PCDHGA10: variants seen among roughly 807,000 people sequenced by gnomAD.
PCDHGA10 encodes the protein protocadherin gamma subfamily A, 10, also known as protocadherin gamma-A10.
A neutral mutation model predicts 59.5 loss-of-function variants in PCDHGA10; 42 were observed. The observed-to-expected ratio is 0.71, with a 90% CI of 0.55 to 0.91. The LOEUF is 0.91. Ranked by LOEUF, PCDHGA10 falls within the 40% of genes least tolerant of loss-of-function variation. The probability of loss-of-function intolerance (pLI) is 0.00; values close to 1 mark genes in which losing one functional copy is unlikely to be tolerated. For missense variants in PCDHGA10, 1,111 were observed against 1,198.2 expected, an observed-to-expected ratio of 0.93 and a Z score of 1.07; for synonymous variants, 511 against 517.2, an observed-to-expected ratio of 0.99 and a Z score of 0.16.
At chr5:141,429,445 G>C (rs2097215795) in intron 1 of PCDHGA10, among the ~76,000 whole-genome samples, 1 of 151,758 alleles carries the variant, frequency 6.6e-6, no homozygotes, top group Admixed American at 6.6e-5. Context: ...AAACTCTTGG[G>C]CTACAGTAAT....
intron 2 of PCDHGA10, among the ~76,000 whole-genome samples, chr5:141,495,645 C>T (rs2099762719): frequency 6.6e-6 from 1 of 152,208 alleles, no homozygotes; most frequent in South Asian, 2.1e-4. Context: ...CATTTGTCTA[C>T]TTGCATTGAT....
intron 1 of PCDHGA10, among the ~76,000 whole-genome samples, chr5:141,439,635 C>T (rs1326926948): frequency 3.3e-5 from 5 of 152,274 alleles, no homozygotes; most frequent in Middle Eastern, 3.4e-3. Context: ...CCAGACATTC[C>T]GGCTTGGTGG....
rs778067298 is a variant in PCDHGA10 at position 141,413,760 on chromosome 5, C to G, written c.585C>G (p.Tyr195Ter). ...RVQSRANGVK[Y>*]PELVLEHSLD... Reference sequence around the variant, plus strand: ...AGAGCCGTGCCAATGGCGTCAAGTACCCGGAGCTGGTACTGGAGCACTCCC... The same window carrying G: ...AGAGCCGTGCCAATGGCGTCAAGTAGCCGGAGCTGGTACTGGAGCACTCCC... Residue 195 changes from tyrosine (Y) to a stop codon, truncating the protein, a stop_gained, in exon 1 of 4, where the codon TAC becomes TAG. Coordinates refer to ENST00000398610, the MANE Select transcript of PCDHGA10 (RefSeq NM_018913.3). LOFTEE classifies it high-confidence loss of function. 2 of 1,613,250 alleles carry G rather than the reference C, an allele frequency of 1.2e-6. No homozygotes were observed. Among genetic ancestry groups the G allele is most frequent in the African/African-American group, 2.7e-5 (2 of 75,020 alleles).
chr5:141,456,975 A>T (rs1240583336), intron 1 of PCDHGA10, among the ~76,000 whole-genome samples: 1 of 152,178 alleles, frequency 6.6e-6, no homozygotes, highest in East Asian at 1.9e-4. Flanking sequence ...AACAAAACAA[A>T]CAAACAAACA....
intron 1 of PCDHGA10, among the ~76,000 whole-genome samples, chr5:141,438,498 CAT>C (rs2097963931): frequency 6.7e-6 from 1 of 149,704 alleles, no homozygotes; most frequent in African/African-American, 2.5e-5. Context: ...AAAAAAGAAT[CAT>C]AGTGCAAAAC....
In PCDHGA10 at chr5:141,477,500, T is replaced by C. The variant is rs757547508; in HGVS notation, c.2437-17307T>C. The C allele has an allele frequency of 3.1e-6, 5 of 1,614,156 alleles. No homozygotes were observed. Among genetic ancestry groups the C allele is most frequent in the Non-Finnish European group, 4.2e-6 (5 of 1,180,026 alleles). ...CCCTCCACAATCTTCTCAATCTTCC[T>C]ACGACGTTTACATTGAAGAAAACAA... On this transcript the variant is annotated intron_variant, in intron 1 of 3. Coordinates refer to ENST00000398610, the MANE Select transcript of PCDHGA10 (RefSeq NM_018913.3). This position sits in a 1 kb window ranked among gnomAD's most constrained non-coding sequence, Gnocchi z 4.9.
At chr5:141,506,566 T>C (rs909998933) in intron 3 of PCDHGA10, among the ~76,000 whole-genome samples, 33 of 152,022 alleles carry the variant, frequency 2.2e-4, no homozygotes, top group Non-Finnish European at 2.9e-5. Flanking sequence ...ACCCCCTCGG[T>C]TTCACTTACT....
chr5:141,435,804 A>AT (rs2097781092), intron 1 of PCDHGA10, among the ~76,000 whole-genome samples: 1 of 151,814 alleles, frequency 6.6e-6, no homozygotes, highest in Non-Finnish European at 1.5e-5. Flanking sequence ...CGTCCCAATT[A>AT]TTTTTTCTTT....
At position 141,486,530 on chromosome 5, in the gene PCDHGA10, C is replaced by T; in HGVS notation, c.2437-8277C>T. 6.2e-7 allele frequency: 1 copy of T among 1,614,174 alleles called. No homozygotes were observed. The highest frequency in any genetic ancestry group is 8.5e-7 in the Non-Finnish European group (1 of 1,180,022). On this transcript the variant is annotated intron_variant, in intron 1 of 3. Transcript: ENST00000398610. The surrounding 1 kb of genome is among the most constrained non-coding windows in gnomAD (Gnocchi z 5.0). Reference sequence around the variant, plus strand: ...TATTTCAGATGTGAATGATAATCCACCCTCTTTCTTTCAGAGGTCACATGA... The same window carrying T: ...TATTTCAGATGTGAATGATAATCCATCCTCTTTCTTTCAGAGGTCACATGA...
Position 141,431,062 on chromosome 5 carries a change from G to C in PCDHGA10, c.2436+15451G>C, listed in dbSNP as rs2097341170. On this transcript the variant is annotated intron_variant, in intron 1 of 3. Coordinates refer to ENST00000398610, the MANE Select transcript of PCDHGA10 (RefSeq NM_018913.3). This position sits in a 1 kb window ranked among gnomAD's most constrained non-coding sequence, Gnocchi z 4.8. ...AGGAGCTCTGTATGGGGGCCATCAA[G>C]TGTCAATTAAATCTAGACATTCTGA... 6.2e-7 allele frequency: 1 copy of C among 1,614,212 alleles called. No individual in the cohort carries two copies. The highest frequency in any genetic ancestry group is 1.3e-5 in the African/African-American group (1 of 75,084).
rs187495695 is a variant in PCDHGA10, at chr5:141,486,508, T to G, written c.2437-8299T>G. The G allele has an allele frequency of 9.3e-6, 15 of 1,614,172 alleles. No homozygotes were observed. In the Admixed American group the frequency reaches 2.5e-4, roughly 27 times the overall value. The stretch of plus-strand genomic sequence containing the variant: ...CCCACAGAACTATTTTCCTCAATAT[T>G]TCAGATGTGAATGATAATCCACCCT... On this transcript the variant is annotated intron_variant, in intron 1 of 3. Coordinates refer to ENST00000398610, the MANE Select transcript of PCDHGA10 (RefSeq NM_018913.3). The surrounding 1 kb of genome is among the most constrained non-coding windows in gnomAD (Gnocchi z 5.0).
intron 1 of PCDHGA10, among the ~76,000 whole-genome samples, chr5:141,473,831 A>G (rs950283433): frequency 1.3e-5 from 2 of 152,252 alleles, no homozygotes; most frequent in African/African-American, 4.8e-5. Context: ...GTGTGATCCA[A>G]TTAAAATTTT....
intron 3 of PCDHGA10, 90 bp from the exon 4 acceptor site, chr5:141,510,857 A>G (rs1184962556): frequency 6.2e-7 from 1 of 1,605,538 alleles, no homozygotes; most frequent in Non-Finnish European, 8.5e-7. Flanking sequence ...AGGGTGCTGT[A>G]TAGGCATTCA....
At chr5:141,483,656 G>A (rs1345435222) in intron 1 of PCDHGA10, among the ~76,000 whole-genome samples, 1 of 151,984 alleles carries the variant, frequency 6.6e-6, no homozygotes, top group Non-Finnish European at 1.5e-5. Flanking sequence ...GTTTGTGTGT[G>A]TGTGTGTGTG....
Position 141,414,493 on chromosome 5 carries a change from GCT to G in PCDHGA10, c.1320_1321del (p.His441LeufsTer10). ...GGGAAGTCCTCCTCTATCAACGGAA[GCT>G]CACTTTATGCTACAAGTGGCAGATA... ...DGGSPPLSTE[A>X]HFMLQVADIN... On this transcript the variant is annotated frameshift_variant, in exon 1 of 4. Coordinates refer to ENST00000398610, the MANE Select transcript of PCDHGA10 (RefSeq NM_018913.3). LOFTEE classifies it high-confidence loss of function. The G allele has an allele frequency of 6.2e-7, 1 of 1,613,950 alleles. No homozygotes were observed. Among genetic ancestry groups the G allele is most frequent in the Non-Finnish European group, 8.5e-7 (1 of 1,179,900 alleles).
intron 1 of PCDHGA10, chr5:141,427,985 C>T (rs747784722): frequency 3.1e-6 from 5 of 1,597,522 alleles, no homozygotes; most frequent in African/African-American, 2.7e-5. Context: ...CGCTGGGGCC[C>T]GATGGCTCCG....
chr5:141,413,389 T>C lies in PCDHGA10; in HGVS notation c.214T>C (p.Ser72Pro), dbSNP rs370906684. 1 of 1,613,986 alleles carries C rather than the reference T, an allele frequency of 6.2e-7. No homozygotes were observed. The highest frequency in any genetic ancestry group is 1.1e-5 in the South Asian group (1 of 91,088). The change falls in exon 1 of 4, where the codon TCC becomes CCC. Residue 72 changes from serine to proline, a missense_variant. By Grantham distance (74) the Ser-to-Pro change is moderately conservative. Transcript: ENST00000398610. ...GGCGGAGCGCGGAGTCCGCATAGTC[T>C]CCAGAGGTAGGACGCAGCTTTTCTC... The part of the protein sequence containing the change: ...ELAERGVRIV[S>P]RGRTQLFSLN...
rs771088007 is a variant in PCDHGA10, at chr5:141,423,000, G to A, written c.2436+7389G>A. On this transcript the variant is annotated intron_variant, in intron 1 of 3. Transcript: ENST00000398610. ...CGGAACCTGGCTACCTGGTGACCAA[G>A]GTGGTTGCGGTGGACAAAGATTCAG... The A allele has an allele frequency of 9.3e-6, 15 of 1,614,116 alleles. No homozygotes were observed. The African/African-American group carries it at 1.9e-4, about 20-fold the overall frequency.
chr5:141,500,104 T>C (rs917633032), intron 2 of PCDHGA10, among the ~76,000 whole-genome samples: 1 of 152,124 alleles, frequency 6.6e-6, no homozygotes, highest in Non-Finnish European at 1.5e-5. Context: ...AATTTATTTG[T>C]TGAATCCCTG....
Sources: allele counts gnomAD v4.1 joint callset (sites outside exome capture counted in the v4.1 genomes callset), GRCh38; gene constraint gnomAD v4.1.1; non-coding constraint Gnocchi (gnomAD v3.1); transcripts MANE v1.5; gene names NCBI Gene and HGNC (gene_info 2026-07-23, HGNC 2026-07-21).